The following POPDC3 variants were observed in gnomAD, a reference collection of about 807,000 sequenced individuals.
POPDC3 encodes popeye domain-containing protein 3.
A neutral mutation model predicts 28.2 loss-of-function variants in POPDC3; 20 were observed. That is an observed-to-expected ratio of 0.71 (90% confidence interval 0.50 to 1.03). The LOEUF (loss-of-function observed/expected upper bound fraction) is 1.03, where lower values mean the gene tolerates loss of function less well. Ranked by LOEUF, POPDC3 falls within the 50% of genes least tolerant of loss-of-function variation. The pLI, the probability that POPDC3 is intolerant of heterozygous loss-of-function variation, is 0.00. For synonymous variants in POPDC3, 118 were observed against 124.1 expected (o/e 0.95, Z 0.33); for missense variants, 316 against 345.9 (o/e 0.91, Z 0.69).
At chr6:105,165,468 A>G (rs1455829061) in intron 1 of POPDC3, among the ~76,000 whole-genome samples, 2 of 152,208 alleles carry the variant, frequency 1.3e-5, no homozygotes, top group Non-Finnish European at 2.9e-5. Context: ...TTAGCACTCA[A>G]TAAGTTTGGC....
chr6:105,177,315 T>G (rs1774698730), intron 1 of POPDC3, among the ~76,000 whole-genome samples: 1 of 152,070 alleles, frequency 6.6e-6, no homozygotes, highest in Admixed American at 6.6e-5. Flanking sequence ...GGACTAGAAA[T>G]AACTCAAAGT....
chr6:105,177,669 T>A (rs1774707275), intron 1 of POPDC3, among the ~76,000 whole-genome samples: 2 of 152,164 alleles, frequency 1.3e-5, no homozygotes, highest in African/African-American at 4.8e-5. Context: ...TTGTTCAGAG[T>A]GGAAGATGAA....
intron 1 of POPDC3, among the ~76,000 whole-genome samples, chr6:105,171,124 T>C (rs1774568644): frequency 6.6e-6 from 1 of 152,186 alleles, no homozygotes; most frequent in South Asian, 2.1e-4. Context: ...AGGTATGTGT[T>C]TGCATTTTGC....
rs1179407124 is a variant in POPDC3, at chr6:105,158,460, G to GACTT, written c.*6_*9dup. ...TCTTTTTTTATACTTATAAATTTCA[G>GACTT]ACTTTGATGTCATTTATCACAGTAT... On this transcript the variant is annotated 3_prime_UTR_variant, in exon 4 of 4. Transcript: ENST00000254765. 6.3e-7 allele frequency: 1 copy of GACTT among 1,585,490 alleles called. No individual in the cohort carries two copies. The highest frequency in any genetic ancestry group is 8.6e-7 in the Non-Finnish European group (1 of 1,164,202).
chr6:105,165,138 G>A (rs62421401), intron 1 of POPDC3, among the ~76,000 whole-genome samples: 12,746 of 152,134 alleles, frequency 0.084, 584 homozygotes, highest in Middle Eastern at 0.19. Context: ...ATTCCCGTCC[G>A]CCCCTCTTTA....
At chr6:105,166,064 A>C (rs1774449729) in intron 1 of POPDC3, among the ~76,000 whole-genome samples, 1 of 152,256 alleles carries the variant, frequency 6.6e-6, no homozygotes, top group Non-Finnish European at 1.5e-5. Context: ...CACATTGCTT[A>C]TAATGGAACT....
intron 1 of POPDC3, among the ~76,000 whole-genome samples, chr6:105,163,260 C>T (rs1370580350): frequency 1.3e-5 from 2 of 152,118 alleles, no homozygotes; most frequent in African/African-American, 4.8e-5. Context: ...CTGTTACTTA[C>T]ATATTTATTT....
chr6:105,162,194 T>G, intron 1 of POPDC3, 34 bp from the exon 2 acceptor site: 1 of 1,148,900 alleles, frequency 8.7e-7, no homozygotes, highest in Non-Finnish European at 1.1e-6. Context: ...AGGATCTAAT[T>G]AAACAAAAAG....
intron 1 of POPDC3, among the ~76,000 whole-genome samples, chr6:105,165,309 A>G (rs989192400): frequency 2.0e-5 from 3 of 152,246 alleles, no homozygotes; most frequent in Admixed American, 6.5e-5. Context: ...TGTACTGTTC[A>G]GTCTGTAACT....
At chr6:105,167,245 A>G (rs1451923407) in intron 1 of POPDC3, among the ~76,000 whole-genome samples, 1 of 152,028 alleles carries the variant, frequency 6.6e-6, no homozygotes, top group Admixed American at 6.5e-5. Context: ...AGTCAGAGGA[A>G]AAAGGAACTC....
At chr6:105,160,744 C>T (rs1204036580) in intron 2 of POPDC3, among the ~76,000 whole-genome samples, 1 of 152,038 alleles carries the variant, frequency 6.6e-6, no homozygotes, top group African/African-American at 2.4e-5. Flanking sequence ...TGGCATGTGC[C>T]ACCATGCCTG....
intron 1 of POPDC3, among the ~76,000 whole-genome samples, 174 bp from the exon 2 acceptor site, chr6:105,162,334 T>C (rs1231472496): frequency 3.3e-5 from 5 of 152,184 alleles, no homozygotes; most frequent in African/African-American, 1.2e-4. Context: ...AAAAAGTATA[T>C]TTATTAAAAT....
rs572874824 is a variant in POPDC3, at chr6:105,167,879, A to T, written c.-251-5719T>A. On this transcript the variant is annotated intron_variant, in intron 1 of 3. Coordinates refer to ENST00000254765, the MANE Select transcript of POPDC3 (RefSeq NM_022361.5). ...AGCTGCCTTCACTGGTTCTTACTTTAAAAAAATGTTGTTTATGTGGCTTGC... is the reference window on the plus strand; with the variant it reads ...AGCTGCCTTCACTGGTTCTTACTTTTAAAAAATGTTGTTTATGTGGCTTGC... 3.9e-5 allele frequency among the ~76,000 whole-genome samples: 6 copies of T among 152,274 alleles called. No individual in the cohort carries two copies. In the East Asian group the frequency reaches 9.6e-4, roughly 24 times the overall value.
rs1478322852 is a variant in POPDC3 at position 105,159,825 on chromosome 6, A to T, written c.486-6T>A. ...CATCAACTGTCACTCTGATCCTATCAAAACACAAGAACAACATTTATAAGG... is the reference window on the plus strand; with the variant it reads ...CATCAACTGTCACTCTGATCCTATCTAAACACAAGAACAACATTTATAAGG... On this transcript the variant is annotated splice_region_variant and splice_polypyrimidine_tract_variant and intron_variant, in intron 2 of 3. Transcript: ENST00000254765. The T allele has an allele frequency of 2.3e-5, 37 of 1,590,446 alleles. No homozygotes were observed. Among genetic ancestry groups the T allele is most frequent in the Non-Finnish European group, 2.9e-5 (34 of 1,158,896 alleles).
chr6:105,163,140 T>C (rs116117757), intron 1 of POPDC3, among the ~76,000 whole-genome samples: 1,722 of 152,350 alleles, frequency 0.011, 36 homozygotes, highest in African/African-American at 0.04. Context: ...TATGGAAATA[T>C]TTAATAAATT....
At chr6:105,163,153 A>T (rs1414664183) in intron 1 of POPDC3, among the ~76,000 whole-genome samples, 1 of 152,246 alleles carries the variant, frequency 6.6e-6, no homozygotes, top group Non-Finnish European at 1.5e-5. Flanking sequence ...AATAAATTAG[A>T]TTGAAATTAT....
At chr6:105,176,828 G>C (rs1354896162) in intron 1 of POPDC3, among the ~76,000 whole-genome samples, 2 of 152,126 alleles carry the variant, frequency 1.3e-5, no homozygotes, top group Non-Finnish European at 2.9e-5. Flanking sequence ...CAAAGTGCTG[G>C]GATTACAGGC....
At chr6:105,158,890 T>G in intron 3 of POPDC3, 139 bp from the exon 4 acceptor site, 1 of 651,124 alleles carries the variant, frequency 1.5e-6, no homozygotes, top group Admixed American at 2.8e-5. Flanking sequence ...TACAATATAT[T>G]GCAAAAATAG....
At chr6:105,171,791 T>A (rs1165655329) in intron 1 of POPDC3, among the ~76,000 whole-genome samples, 1 of 144,270 alleles carries the variant, frequency 6.9e-6, no homozygotes, top group African/African-American at 2.6e-5. Flanking sequence ...TGATCTATTT[T>A]AAATATTACT....
Sources: allele counts gnomAD v4.1 joint callset (sites outside exome capture counted in the v4.1 genomes callset), GRCh38; gene constraint gnomAD v4.1.1; transcripts MANE v1.5; gene names NCBI Gene and HGNC (gene_info 2026-07-23, HGNC 2026-07-21).